The following GRIP2 variants were observed in gnomAD, a reference collection of about 807,000 sequenced individuals.
The protein encoded by GRIP2 is glutamate receptor interacting protein 2, also known as glutamate receptor-interacting protein 2.
Under a neutral mutation model 108.3 loss-of-function variants are expected in GRIP2, and 58 were observed. That is an observed-to-expected ratio of 0.54 (90% CI 0.43 to 0.67). GRIP2 has a LOEUF of 0.67. Ranked by LOEUF, GRIP2 falls within the 30% of genes least tolerant of loss-of-function variation. The pLI, the probability that GRIP2 is intolerant of heterozygous loss-of-function variation, is 0.00. For synonymous variants in GRIP2, 586 were observed against 598.2 expected, an observed-to-expected ratio of 0.98 and a Z score of 0.30; for missense variants, 1,278 against 1,430.6, an observed-to-expected ratio of 0.89 and a Z score of 1.72.
At chr3:14,541,848 C>T (rs1188411595), upstream of GRIP2, 3 of 1,303,998 alleles carry the variant, frequency 2.3e-6, no homozygotes, top group Non-Finnish European at 3.0e-6. Context: ...CGACTCAAAT[C>T]ATGCAGGGAC....
chr3:14,507,771 G>T lies in GRIP2; in HGVS notation c.2079-71C>A, dbSNP rs1574998642. On this transcript the variant is annotated intron_variant, in intron 17 of 23. Coordinates refer to ENST00000621039, the MANE Select transcript of GRIP2 (RefSeq NM_001080423.4). This position sits in a 1 kb window ranked among gnomAD's most constrained non-coding sequence, Gnocchi z 4.6. ...GCCTCAGAGTGGCAGTCTGCCCTCAGGGAATCCAGGAGAGCCACAAAGCAG... is the reference window on the plus strand; with the variant it reads ...GCCTCAGAGTGGCAGTCTGCCCTCATGGAATCCAGGAGAGCCACAAAGCAG... 2.6e-6 allele frequency: 4 copies of T among 1,552,180 alleles called. No homozygotes were observed. The highest frequency in any genetic ancestry group is 3.5e-6 in the Non-Finnish European group (4 of 1,131,390).
At chr3:14,502,248 T>A (rs1433827435) in intron 21 of GRIP2, among the ~76,000 whole-genome samples, 2 of 152,146 alleles carry the variant, frequency 1.3e-5, no homozygotes, top group Admixed American at 6.5e-5. Flanking sequence ...ATCCCAGCAC[T>A]TTGGGAAGCT....
At chr3:14,577,450 GC>G in the GRIP2 span, among the ~76,000 whole-genome samples, 3 of 152,330 alleles carry the variant, frequency 2.0e-5, no homozygotes, top group Non-Finnish European at 2.9e-5. Flanking sequence ...TTGGCTCCTG[GC>G]CACTCAGTGG....
upstream of GRIP2, among the ~76,000 whole-genome samples, chr3:14,559,688 A>C (rs1695289649): frequency 7.1e-6 from 1 of 141,652 alleles, no homozygotes; most frequent in Non-Finnish European, 1.6e-5. Context: ...CAGAAGATCC[A>C]GGTCCCACTG....
intron 4 of GRIP2, chr3:14,523,975 C>T: frequency 1.9e-6 from 1 of 518,962 alleles, no homozygotes; most frequent in South Asian, 2.5e-5. Context: ...AGGCTCAGGC[C>T]AGGGCTGAAT....
rs1429562446 is a variant in GRIP2 at position 14,493,785 on chromosome 3, C to T, written c.3012G>A (p.Ala1004=). 1.2e-5 allele frequency: 19 copies of T among 1,613,382 alleles called. No individual in the cohort carries two copies. Among genetic ancestry groups the T allele is most frequent in the Admixed American group, 8.3e-5 (5 of 59,976 alleles). ...CACCCGCCTCGGCCAGGAGTGGCAC[C>T]GCCAGGCAGCAGTCGAAGTCCCGTG... ...VRTRDFDCCL[A]VPLLAEAGDV... The change falls in exon 24 of 24, where the codon GCG becomes GCA. Residue 1004 remains alanine, a synonymous_variant. Transcript: ENST00000621039.
chr3:14,564,149 C>T, the GRIP2 span, among the ~76,000 whole-genome samples: 3 of 152,190 alleles, frequency 2.0e-5, no homozygotes, highest in Non-Finnish European at 4.4e-5. Context: ...TGGGCTAGGG[C>T]GGCTGGCTGA....
In GRIP2 at chr3:14,525,874, G is replaced by T. The variant is rs753399269; in HGVS notation, c.98C>A (p.Ala33Glu). ...ACCTGGAATGCTCTGTCTGCGGCAC[G>T]CCAGGGAAACGTCGGCCCCTCCTGC... is the stretch of plus-strand genomic sequence containing the variant. ...KDAGGADVSL[A>E]CRRQSIPEEF... The change falls in exon 2 of 24, where the codon GCG becomes GAG. Residue 33 changes from alanine to glutamate, a missense_variant. Coordinates refer to ENST00000621039, the MANE Select transcript of GRIP2 (RefSeq NM_001080423.4). The T allele has an allele frequency of 6.4e-7, 1 of 1,560,194 alleles. No homozygotes were observed. Among genetic ancestry groups the T allele is most frequent in the Non-Finnish European group, 8.7e-7 (1 of 1,151,918 alleles).
the GRIP2 span, among the ~76,000 whole-genome samples, chr3:14,591,152 G>A: frequency 1.6e-4 from 25 of 152,258 alleles, no homozygotes; most frequent in South Asian, 4.6e-3. Context: ...TGCCTTAAAT[G>A]CCTTTCCCTG....
the GRIP2 span, among the ~76,000 whole-genome samples, chr3:14,579,490 G>T: frequency 6.6e-6 from 1 of 152,136 alleles, no homozygotes; most frequent in Non-Finnish European, 1.5e-5. Flanking sequence ...ATGGGAGGAC[G>T]GGCATGTAGG....
At chr3:14,526,280 C>T (rs1231075417) in intron 1 of GRIP2, among the ~76,000 whole-genome samples, 3 of 152,232 alleles carry the variant, frequency 2.0e-5, no homozygotes, top group Non-Finnish European at 4.4e-5. Flanking sequence ...AGAAGGCCAA[C>T]TCATGCCCAT....
chr3:14,592,526 C>G, the GRIP2 span, among the ~76,000 whole-genome samples: 32 of 152,228 alleles, frequency 2.1e-4, no homozygotes, highest in Non-Finnish European at 1.2e-4. Context: ...GAGGAGAGAA[C>G]TTGCCCAAGG....
At chr3:14,515,712 T>C (rs1034065172) in intron 11 of GRIP2, among the ~76,000 whole-genome samples, 3 of 152,118 alleles carry the variant, frequency 2.0e-5, no homozygotes, top group African/African-American at 7.2e-5. Context: ...CTCGGCTCAC[T>C]GCAACCTCCG....
At chr3:14,501,703 A>C (rs888901781) in intron 21 of GRIP2, among the ~76,000 whole-genome samples, 1 of 152,230 alleles carries the variant, frequency 6.6e-6, no homozygotes, top group Non-Finnish European at 1.5e-5. Context: ...TTGTGTCCTT[A>C]AGTTTTACTT....
the GRIP2 span, chr3:14,574,193 G>T: frequency 1.1e-6 from 1 of 880,064 alleles, no homozygotes; most frequent in Non-Finnish European, 1.9e-6. Flanking sequence ...AGGTGAGCCA[G>T]TGGGTGAAGA....
chr3:14,532,809 G>GGAC, intron 1 of GRIP2, among the ~76,000 whole-genome samples: 1 of 151,962 alleles, frequency 6.6e-6, no homozygotes, highest in Non-Finnish European at 1.5e-5. Flanking sequence ...TGAGGGCGGG[G>GGAC]CTCAGCCTGG....
rs2124920426 is a variant in GRIP2 at position 14,521,352 on chromosome 3, T to G, written c.712+290A>C. 2.9e-6 allele frequency: 1 copy of G among 342,354 alleles called. No individual in the cohort carries two copies. The highest frequency in any genetic ancestry group is 2.1e-5 in the African/African-American group (1 of 47,088). 21.2% of individuals were successfully genotyped at this position (342,354 alleles called of 1,614,324 possible). On this transcript the variant is annotated intron_variant, in intron 7 of 23. Transcript: ENST00000621039. The surrounding 1 kb of genome is among the most constrained non-coding windows in gnomAD (Gnocchi z 5.1). ...GCCTCTTTTCTTTTTTCCATAGCAC[T>G]TATTGCCAACTGACATACACCATAT... is the stretch of plus-strand genomic sequence containing the variant.
Position 14,523,089 on chromosome 3 carries a change from G to A in GRIP2, c.491-14C>T. The A allele has an allele frequency of 6.3e-7, 1 of 1,588,582 alleles. No homozygotes were observed. The highest frequency in any genetic ancestry group is 8.6e-7 in the Non-Finnish European group (1 of 1,163,380). On this transcript the variant is annotated splice_polypyrimidine_tract_variant and intron_variant, in intron 5 of 23. Coordinates refer to ENST00000621039, the MANE Select transcript of GRIP2 (RefSeq NM_001080423.4). ...CATGGGCACCTCCTGGACAGGATTT[G>A]ACAAGAAGCAGGAATCATCCACCCA...
At chr3:14,559,796 T>G (rs1695290895), upstream of GRIP2, among the ~76,000 whole-genome samples, 1 of 152,152 alleles carries the variant, frequency 6.6e-6, no homozygotes, top group African/African-American at 2.4e-5. Flanking sequence ...CAGACGCTGC[T>G]TCTCCCTGAG....
Sources: gnomAD v4.1 joint callset for allele counts (sites outside exome capture counted in the v4.1 genomes callset) on GRCh38, gnomAD v4.1.1 for gene constraint, Gnocchi (gnomAD v3.1) non-coding constraint, MANE v1.5 for transcripts, NCBI Gene and HGNC (gene_info 2026-07-23, HGNC 2026-07-21) for gene names.